CDHR3: variants seen among roughly 807,000 people sequenced by gnomAD.
CDHR3 encodes cadherin-related family member 3.
A neutral mutation model predicts 86.6 loss-of-function variants in CDHR3; 79 were observed. That is an observed-to-expected ratio of 0.91 (90% CI 0.76 to 1.10). The LOEUF (loss-of-function observed/expected upper bound fraction) is 1.10. Among genes scored for constraint, CDHR3 ranks in the 50% least tolerant of loss-of-function variants. The pLI, the probability that CDHR3 is intolerant of heterozygous loss-of-function variation, is 0.00. For missense variants in CDHR3, 1,081 were observed against 1,077.6 expected (o/e 1.00, Z -0.04); for synonymous variants, 421 against 402.4 (o/e 1.05, Z -0.55).
intron 10 of CDHR3, 89 bp downstream of exon 10, chr7:106,015,302 T>C (rs758799520): frequency 2.2e-5 from 25 of 1,148,768 alleles, no homozygotes; most frequent in African/African-American, 4.6e-5. Flanking sequence ...TTGTGCTAGG[T>C]CCCCCTTCTC....
rs778553041 is a variant in CDHR3 at position 106,024,473 on chromosome 7, T to C, written c.2169T>C (p.Leu723=). 6.2e-7 allele frequency: 1 copy of C among 1,614,050 alleles called. No homozygotes were observed. Among genetic ancestry groups the C allele is most frequent in the Non-Finnish European group, 8.5e-7 (1 of 1,179,894 alleles). The change falls in exon 15 of 19, where the codon CTT becomes CTC. Residue 723 remains leucine (L), a synonymous_variant. Coordinates refer to ENST00000317716, the MANE Select transcript of CDHR3 (RefSeq NM_152750.5). ...PFVITLGSIL[L]LGLLVYLVVL... is the part of the protein sequence containing the mutation. ...TCATCACTTTGGGCTCCATATTGCTTCTGGGTCTCCTCGTGTACCTGGTCG... is the reference window on the plus strand; with the variant it reads ...TCATCACTTTGGGCTCCATATTGCTCCTGGGTCTCCTCGTGTACCTGGTCG...
At position 106,032,476 on chromosome 7, in the gene CDHR3, G is replaced by C; in HGVS notation, c.2437G>C (p.Glu813Gln). The change falls in exon 19 of 19, where the codon GAG (glutamate) becomes CAG (glutamine). Residue 813 changes from glutamate to glutamine, a missense_variant. Physicochemically the swap from Glu to Gln is conservative, Grantham distance 29. Coordinates refer to ENST00000317716, the MANE Select transcript of CDHR3 (RefSeq NM_152750.5). ...DPLTQMPKWK[E>Q]SSHQGAAPRR... is the part of the protein sequence containing the mutation. ...ACTAACCCAAATGCCAAAATGGAAA[G>C]AGTCCAGCCACCAGGGAGCTGCCCC... The C allele has an allele frequency of 6.2e-7, 1 of 1,613,948 alleles. No homozygotes were observed. The highest frequency in any genetic ancestry group is 2.2e-5 in the East Asian group (1 of 44,890).
intron 4 of CDHR3, 78 bp downstream of exon 4, chr7:105,984,367 CGGG>C: frequency 8.8e-7 from 1 of 1,134,488 alleles, no homozygotes; most frequent in Non-Finnish European, 1.3e-6. Flanking sequence ...TGAGTCTTGG[CGGG>C]GTGAGTTTGG....
intron 11 of CDHR3, among the ~76,000 whole-genome samples, chr7:106,017,398 A>G (rs565860631): frequency 1.6e-3 from 241 of 152,176 alleles, no homozygotes; most frequent in African/African-American, 5.6e-3. Flanking sequence ...CTCTTCTAAA[A>G]ATACAAAAAG....
At position 106,015,179 on chromosome 7, in the gene CDHR3, C is replaced by A; in HGVS notation, c.1293C>A (p.Ile431=). ...CCGGCAATAAATATACGGTGATAAT[C>A]CAGGTGCAGGATGTGGCCCCCCCTT... ...LAAGNKYTVI[I]QVQDVAPPYY... Residue 431 remains isoleucine, a synonymous_variant, in exon 10 of 19, where the codon ATC becomes ATA. Coordinates refer to ENST00000317716, the MANE Select transcript of CDHR3 (RefSeq NM_152750.5). The A allele has an allele frequency of 6.2e-7, 1 of 1,611,134 alleles. No homozygotes were observed. Among genetic ancestry groups the A allele is most frequent in the Non-Finnish European group, 8.5e-7 (1 of 1,178,754 alleles).
At chr7:106,004,988 G>A (rs900257623) in intron 8 of CDHR3, among the ~76,000 whole-genome samples, 1 of 152,086 alleles carries the variant, frequency 6.6e-6, no homozygotes, top group Non-Finnish European at 1.5e-5. Context: ...AGGACCACAG[G>A]GACTTGTTAG....
chr7:105,997,411 G>A (rs1832422242), intron 6 of CDHR3, among the ~76,000 whole-genome samples: 1 of 152,192 alleles, frequency 6.6e-6, no homozygotes, highest in Non-Finnish European at 1.5e-5. Context: ...TTTATCTGCT[G>A]CTATTAAATG....
chr7:105,986,707 C>A (rs182004970), intron 4 of CDHR3, among the ~76,000 whole-genome samples: 2 of 152,194 alleles, frequency 1.3e-5, no homozygotes, highest in East Asian at 3.9e-4. Context: ...CTTAGCAAGG[C>A]CCTGTTTGTT....
Position 106,027,066 on chromosome 7 carries a change from C to A in CDHR3, c.2272+371C>A, listed in dbSNP as rs1837464899. On this transcript the variant is annotated intron_variant, in intron 16 of 18. Coordinates refer to ENST00000317716, the MANE Select transcript of CDHR3 (RefSeq NM_152750.5). ...CAGCCCATGGAGGGTGTCCTGAGGACAGCTAATGCTTTGTGCTGGACACAG... is the reference window on the plus strand; with the variant it reads ...CAGCCCATGGAGGGTGTCCTGAGGAAAGCTAATGCTTTGTGCTGGACACAG... Among the ~76,000 whole-genome samples, 3 of 152,164 alleles carry A rather than the reference C, an allele frequency of 2.0e-5. No homozygotes were observed. In the South Asian group the frequency reaches 6.2e-4, roughly 32 times the overall value.
intron 2 of CDHR3, among the ~76,000 whole-genome samples, chr7:105,978,301 G>A (rs920671372): frequency 6.6e-6 from 1 of 152,206 alleles, no homozygotes; most frequent in Non-Finnish European, 1.5e-5. Context: ...GTGACTGCCA[G>A]CTGGCTGCGG....
intron 14 of CDHR3, among the ~76,000 whole-genome samples, chr7:106,023,745 G>A (rs1585834208): frequency 6.6e-6 from 1 of 152,218 alleles, no homozygotes; most frequent in South Asian, 2.1e-4. Flanking sequence ...AGTGAATGGA[G>A]GCATATGGCA....
intron 8 of CDHR3, among the ~76,000 whole-genome samples, chr7:106,005,478 G>A (rs1036484684): frequency 1.3e-5 from 2 of 152,196 alleles, no homozygotes; most frequent in African/African-American, 4.8e-5. Context: ...GGCTGAAGAG[G>A]GCTCTTTGGG....
At chr7:105,999,093 C>T (rs922982577) in intron 6 of CDHR3, among the ~76,000 whole-genome samples, 7 of 152,156 alleles carry the variant, frequency 4.6e-5, no homozygotes, top group African/African-American at 9.7e-5. Flanking sequence ...TCAGGTGTTA[C>T]GGGGAAGAAG....
At chr7:105,974,356 T>G (rs1430762691) in intron 1 of CDHR3, among the ~76,000 whole-genome samples, 1 of 152,214 alleles carries the variant, frequency 6.6e-6, no homozygotes, top group Non-Finnish European at 1.5e-5. Context: ...TGGAGAGATT[T>G]ACCATGATTT....
chr7:106,021,829 T>C (rs981607656), intron 13 of CDHR3, among the ~76,000 whole-genome samples: 1 of 152,234 alleles, frequency 6.6e-6, no homozygotes, highest in Non-Finnish European at 1.5e-5. Context: ...TGAGTGTGAA[T>C]TACACGTGTT....
intron 8 of CDHR3, among the ~76,000 whole-genome samples, chr7:106,012,393 G>A (rs926647605): frequency 3.3e-5 from 5 of 152,118 alleles, no homozygotes; most frequent in Non-Finnish European, 4.4e-5. Context: ...TGGGAGTCAC[G>A]TGAGTATTTG....
intron 18 of CDHR3, among the ~76,000 whole-genome samples, chr7:106,031,482 G>A (rs1007297268): frequency 6.6e-6 from 1 of 152,230 alleles, no homozygotes; most frequent in African/African-American, 2.4e-5. Flanking sequence ...CAGGAGGCAA[G>A]TGTGTTGGCT....
chr7:106,009,923 TG>T (rs1168912583), intron 8 of CDHR3, among the ~76,000 whole-genome samples: 9 of 152,188 alleles, frequency 5.9e-5, no homozygotes, highest in Admixed American at 5.2e-4. Flanking sequence ...CATGGTCTGA[TG>T]GCTGGGAGCG....
chr7:106,033,055 T>C lies in CDHR3; in HGVS notation c.*358T>C, dbSNP rs1052474363. 8 of 209,638 alleles carry C rather than the reference T, an allele frequency of 3.8e-5. No individual in the cohort carries two copies. Among genetic ancestry groups the C allele is most frequent in the Non-Finnish European group, 3.9e-5 (4 of 103,412 alleles). The allele number at this position is 209,638 out of a possible 1,614,324, so 13.0% of individuals were successfully genotyped here. ...AGTTTGTAGGAATTCCTGACATAAA[T>C]AGTGAAGACTATCCTTACATCTGGT... On this transcript the variant is annotated 3_prime_UTR_variant, in exon 19 of 19. Coordinates refer to ENST00000317716, the MANE Select transcript of CDHR3 (RefSeq NM_152750.5).
Sources: gnomAD v4.1 joint callset for allele counts (sites outside exome capture counted in the v4.1 genomes callset) on GRCh38, gnomAD v4.1.1 for gene constraint, MANE v1.5 for transcripts, NCBI Gene and HGNC (gene_info 2026-07-23, HGNC 2026-07-21) for gene names.